Variants in NTMT2 observed in about 807,000 individuals in gnomAD.
NTMT2 encodes N-terminal Xaa-Pro-Lys N-methyltransferase 2.
Under a neutral mutation model 23.4 loss-of-function variants are expected in NTMT2, and 21 were observed. The observed-to-expected ratio is 0.90, with a 90% CI of 0.64 to 1.29. The LOEUF is 1.29. Among genes scored for constraint, NTMT2 ranks in the 50% most tolerant of loss-of-function variants. The pLI is 0.00. For missense variants in NTMT2, 336 were observed against 352.0 expected (o/e 0.95, Z 0.36); for synonymous variants, 131 against 127.7 (o/e 1.03, Z -0.17).
intron 2 of NTMT2, among the ~76,000 whole-genome samples, chr1:170,162,521 T>A (rs1278608739): frequency 1.3e-5 from 2 of 152,184 alleles, no homozygotes; most frequent in African/African-American, 4.8e-5. Flanking sequence ...CTGTGGATAT[T>A]TATAGGTTAG....
In NTMT2 at chr1:170,168,834, C is replaced by T. The variant is rs961083664; in HGVS notation, c.*1077C>T. 6.6e-6 allele frequency among the ~76,000 whole-genome samples: 1 copy of T among 152,200 alleles called. No individual in the cohort carries two copies. Among genetic ancestry groups the T allele is most frequent in the African/African-American group, 2.4e-5 (1 of 41,446 alleles). Reference sequence around the variant, plus strand: ...TAACCCTGAAAATTGACTAGCTGGACATTGGTTTAATTAAAAATAATCTAA... The same window carrying T: ...TAACCCTGAAAATTGACTAGCTGGATATTGGTTTAATTAAAAATAATCTAA... On this transcript the variant is annotated 3_prime_UTR_variant, in exon 4 of 4. Coordinates refer to ENST00000439373, the MANE Select transcript of NTMT2 (RefSeq NM_001136107.2).
intron 1 of NTMT2, among the ~76,000 whole-genome samples, chr1:170,156,114 A>AT (rs1361960791): frequency 6.6e-6 from 1 of 151,994 alleles, no homozygotes; most frequent in African/African-American, 2.4e-5. Context: ...TTTCCTGCTC[A>AT]TTTTTTTGCT....
chr1:170,154,257 C>A (rs915428996), intron 1 of NTMT2, among the ~76,000 whole-genome samples: 5 of 152,230 alleles, frequency 3.3e-5, no homozygotes, highest in African/African-American at 1.2e-4. Flanking sequence ...AAGGTGGAGC[C>A]CCCCACACTG....
chr1:170,168,749 T>G lies in NTMT2; in HGVS notation c.*992T>G, dbSNP rs1296999439. 6.6e-6 allele frequency among the ~76,000 whole-genome samples: 1 copy of G among 152,228 alleles called. No homozygotes were observed. Among genetic ancestry groups the G allele is most frequent in the Admixed American group, 6.5e-5 (1 of 15,288 alleles). On this transcript the variant is annotated 3_prime_UTR_variant, in exon 4 of 4. Transcript: ENST00000439373. The stretch of plus-strand genomic sequence containing the variant: ...GTTCATTGCAGCTGCTCCTGGGGTC[T>G]TGATTGATATGAATGTATATTGGAA...
At position 170,159,420 on chromosome 1, in the gene NTMT2, G is replaced by GTTTTTTTTTTTTTT. The variant is rs1673225599; in HGVS notation, c.155-1098_155-1097insTTTTTTTTTTTTTT. ...TGGACAGAGTTTTGATTTATGCTCT[G>GTTTTTTTTTTTTTT]GTTTTTTTTTTTTTTTTTTTTTTTT... On this transcript the variant is annotated intron_variant, in intron 1 of 3. Transcript: ENST00000439373. 1.4e-4 allele frequency among the ~76,000 whole-genome samples: 12 copies of GTTTTTTTTTTTTTT among 88,186 alleles called. 2 individuals are homozygous for GTTTTTTTTTTTTTT. The highest frequency in any genetic ancestry group is 3.5e-4 in the East Asian group (1 of 2,880). 57.9% of individuals were successfully genotyped at this position (88,186 alleles called of 152,430 possible). A position where few individuals can be genotyped will look rare whatever the true frequency, so the allele number is the denominator to read the frequency against.
At chr1:170,154,332 G>A (rs1453306390) in intron 1 of NTMT2, among the ~76,000 whole-genome samples, 1 of 150,404 alleles carries the variant, frequency 6.6e-6, no homozygotes, top group Non-Finnish European at 1.5e-5. Flanking sequence ...CCCCACTGGG[G>A]GCACTGCCTA....
Position 170,153,161 on chromosome 1 carries a change from A to G in NTMT2, c.154+6900A>G, listed in dbSNP as rs146083115. On this transcript the variant is annotated intron_variant, in intron 1 of 3. Coordinates refer to ENST00000439373, the MANE Select transcript of NTMT2 (RefSeq NM_001136107.2). ...GATGCCAGTGCCATGCTTCTTTTAC[A>G]GCGTACAGAACTATTAGTCAATTAA... Among the ~76,000 whole-genome samples the G allele has an allele frequency of 6.6e-4, 100 of 152,362 alleles. No individual in the cohort carries two copies. The Middle Eastern group carries it at 0.017, about 26-fold the overall frequency.
At chr1:170,166,127 TTTTTTTTTTTTTC>T (rs1041974730) in intron 2 of NTMT2, among the ~76,000 whole-genome samples, 7 of 102,876 alleles carry the variant, frequency 6.8e-5, no homozygotes, top group African/African-American at 1.0e-4. Flanking sequence ...TTTTCTTTCT[TTTTTTTTTTTTTC>T]TTTTTTTTTT....
intron 1 of NTMT2, among the ~76,000 whole-genome samples, chr1:170,158,564 C>A (rs1318066455): frequency 6.6e-6 from 1 of 151,926 alleles, no homozygotes; most frequent in Non-Finnish European, 1.5e-5. Context: ...AAAAAAAAAT[C>A]TATGCATCTC....
At chr1:170,148,165 T>TC (rs1271512453) in intron 1 of NTMT2, among the ~76,000 whole-genome samples, 5 of 145,280 alleles carry the variant, frequency 3.4e-5, no homozygotes, top group Non-Finnish European at 6.0e-5. Flanking sequence ...TTTTTTTTTT[T>TC]TGAGATGGAG....
chr1:170,150,662 G>A (rs963625288), intron 1 of NTMT2, among the ~76,000 whole-genome samples: 7 of 152,118 alleles, frequency 4.6e-5, no homozygotes, highest in African/African-American at 1.7e-4. Flanking sequence ...AACAGGAATA[G>A]GGAACAAACA....
rs1357496703 is a variant in NTMT2, at chr1:170,151,471, T to A, written c.154+5210T>A. 7 of 153,938 alleles carry A rather than the reference T, an allele frequency of 4.5e-5. No homozygotes were observed. In the East Asian group the frequency reaches 1.4e-3, roughly 31 times the overall value. 9.5% of individuals were successfully genotyped at this position (153,938 alleles called of 1,614,324 possible). On this transcript the variant is annotated intron_variant, in intron 1 of 3. Coordinates refer to ENST00000439373, the MANE Select transcript of NTMT2 (RefSeq NM_001136107.2). ...TAAAAGCCAGAGTTAATAACAACATTTCCTAAAAAGCACTTGGAACTTCCA... is the reference window on the plus strand; with the variant it reads ...TAAAAGCCAGAGTTAATAACAACATATCCTAAAAAGCACTTGGAACTTCCA...
At position 170,152,887 on chromosome 1, in the gene NTMT2, A is replaced by T. The variant is rs138382511; in HGVS notation, c.154+6626A>T. 1.8e-4 allele frequency among the ~76,000 whole-genome samples: 27 copies of T among 152,276 alleles called. No homozygotes were observed. The East Asian group carries it at 4.8e-3, about 27-fold the overall frequency. On this transcript the variant is annotated intron_variant, in intron 1 of 3. Transcript: ENST00000439373. ...GGGATATTTGTCTCATCCAAATCTC[A>T]TGTTGAAATGTAATCCCCAGTGTTG...
At chr1:170,153,711 G>A (rs144671584) in intron 1 of NTMT2, among the ~76,000 whole-genome samples, 77 of 152,310 alleles carry the variant, frequency 5.1e-4, no homozygotes, top group African/African-American at 1.5e-3. Context: ...ATTTGGAAGC[G>A]AGAAATGACT....
chr1:170,160,138 A>G (rs1203158495), intron 1 of NTMT2, among the ~76,000 whole-genome samples: 2 of 152,176 alleles, frequency 1.3e-5, no homozygotes, highest in African/African-American at 4.8e-5. Flanking sequence ...CTCAGAAAAC[A>G]TTTGGAGTTC....
At chr1:170,164,854 G>A (rs1673341632) in intron 2 of NTMT2, among the ~76,000 whole-genome samples, 1 of 152,170 alleles carries the variant, frequency 6.6e-6, no homozygotes, top group Non-Finnish European at 1.5e-5. Flanking sequence ...CTATATTGTG[G>A]AGTTTTCTTA....
At chr1:170,146,458 T>C (rs1672967012) in intron 1 of NTMT2, among the ~76,000 whole-genome samples, 197 bp downstream of exon 1, 1 of 151,748 alleles carries the variant, frequency 6.6e-6, no homozygotes, top group Admixed American at 6.6e-5. Context: ...TAAAATAGAG[T>C]CAGGACTTTA....
At position 170,149,780 on chromosome 1, in the gene NTMT2, ATAT is replaced by A. The variant is rs1159352265; in HGVS notation, c.154+3522_154+3524del. ...TATGTGAAATAGTCCTCCTCAGTAAATATTAGTTTCTTTATTTCCTTCCTCTGA... is the reference window on the plus strand; with the variant it reads ...TATGTGAAATAGTCCTCCTCAGTAAATAGTTTCTTTATTTCCTTCCTCTGA... On this transcript the variant is annotated intron_variant, in intron 1 of 3. Transcript: ENST00000439373. Among the ~76,000 whole-genome samples, 7 of 152,300 alleles carry A rather than the reference ATAT, an allele frequency of 4.6e-5. No homozygotes were observed. The East Asian group carries it at 1.3e-3, about 29-fold the overall frequency.
chr1:170,168,383 T>G lies in NTMT2; in HGVS notation c.*626T>G, dbSNP rs996160052. Among the ~76,000 whole-genome samples, 1 of 152,202 alleles carries G rather than the reference T, an allele frequency of 6.6e-6. No individual in the cohort carries two copies. Among genetic ancestry groups the G allele is most frequent in the African/African-American group, 2.4e-5 (1 of 41,452 alleles). On this transcript the variant is annotated 3_prime_UTR_variant, in exon 4 of 4. Coordinates refer to ENST00000439373, the MANE Select transcript of NTMT2 (RefSeq NM_001136107.2). ...TTTCCCCGCCTTCATGTCAGCTACA[T>G]TATACTTCCTCTTTGGTACTACTAC...
Sources: allele counts gnomAD v4.1 joint callset (sites outside exome capture counted in the v4.1 genomes callset), GRCh38; gene constraint gnomAD v4.1.1; transcripts MANE v1.5; gene names NCBI Gene and HGNC (gene_info 2026-07-23, HGNC 2026-07-21).